The following ASMT variants were observed in gnomAD, a reference collection of about 807,000 sequenced individuals.
ASMT encodes the protein acetylserotonin O-methyltransferase.
A neutral mutation model predicts 41.3 loss-of-function variants in ASMT; 53 were observed. The ratio of observed to expected loss-of-function variants is 1.28; its 90% CI spans 1.03 to 1.61. The LOEUF (loss-of-function observed/expected upper bound fraction) is 1.61. Among genes scored for constraint, ASMT ranks in the 40% most tolerant of loss-of-function variants. The pLI is 0.00. For synonymous variants in ASMT, 231 were observed against 184.8 expected, an observed-to-expected ratio of 1.25 and a Z score of -2.03; for missense variants, 531 against 441.3, an observed-to-expected ratio of 1.20 and a Z score of -1.82.
intron 6 of ASMT, 72 bp downstream of exon 6, chrX:1,632,859 G>A: frequency 1.9e-6 from 1 of 520,536 alleles, no homozygotes; most frequent in Non-Finnish European, 3.5e-6. Context: ...GTCAGGGCCT[G>A]GGGGGCTGGG....
At chrX:1,616,758 G>C (rs1229255238) in intron 1 of ASMT, among the ~76,000 whole-genome samples, 1 of 149,572 alleles carries the variant, frequency 6.7e-6, no homozygotes, top group East Asian at 2.0e-4. Flanking sequence ...GCCCAGGCTG[G>C]AGTGCAATGG....
At chrX:1,628,499 G>T (rs1934642815) in intron 4 of ASMT, among the ~76,000 whole-genome samples, 1 of 152,078 alleles carries the variant, frequency 6.6e-6, no homozygotes, top group South Asian at 2.1e-4. Flanking sequence ...CCCGTCCAGT[G>T]TTCCAGCTGG....
In ASMT at chrX:1,625,109, T is replaced by TTTC. The variant is rs1491501608; in HGVS notation, c.374+713_374+714insCTT. 1.9e-3 allele frequency among the ~76,000 whole-genome samples: 80 copies of TTTC among 41,596 alleles called. 1 individual carries two copies. Among genetic ancestry groups the TTTC allele is most frequent in the African/African-American group, 8.1e-3 (79 of 9,714 alleles). 27.3% of individuals were successfully genotyped at this position (41,596 alleles called of 152,430 possible). A position where few individuals can be genotyped will look rare whatever the true frequency, so the allele number is the denominator to read the frequency against. Reference sequence around the variant, plus strand: ...TTTGTTTTTTCTTTTCTTTTCTTTCTTTTTTTTTTTTTTGAGATGGAGTCT... The same window carrying TTTC: ...TTTGTTTTTTCTTTTCTTTTCTTTCTTTCTTTTTTTTTTTTTGAGATGGAGTCT... On this transcript the variant is annotated intron_variant, in intron 3 of 8. Transcript: ENST00000381241.
chrX:1,618,945 C>T (rs1934235894), intron 1 of ASMT, among the ~76,000 whole-genome samples: 1 of 152,142 alleles, frequency 6.6e-6, no homozygotes, highest in Non-Finnish European at 1.5e-5. Flanking sequence ...CACATGATAC[C>T]ATGTCATGGG....
intron 1 of ASMT, 98 bp from the exon 2 acceptor site, chrX:1,623,041 A>G (rs1422727353): frequency 2.5e-5 from 31 of 1,224,014 alleles, no homozygotes; most frequent in Non-Finnish European, 3.6e-5. Flanking sequence ...AAATAAAACA[A>G]TGCTTTCCTC....
intron 7 of ASMT, chrX:1,636,139 A>G: frequency 5.1e-6 from 2 of 392,594 alleles, no homozygotes; most frequent in Non-Finnish European, 9.8e-6. Flanking sequence ...TTGTATTTTT[A>G]GTAGAGACAG....
intron 1 of ASMT, among the ~76,000 whole-genome samples, chrX:1,620,574 A>G (rs1934302511): frequency 6.6e-6 from 1 of 152,162 alleles, no homozygotes; most frequent in Non-Finnish European, 1.5e-5. Context: ...ACAGGAATTG[A>G]TAACAGTTTA....
At chrX:1,633,533 T>A (rs1484786224) in intron 7 of ASMT, among the ~76,000 whole-genome samples, 1 of 152,112 alleles carries the variant, frequency 6.6e-6, no homozygotes, top group African/African-American at 2.4e-5. Context: ...TGGAGTGCAG[T>A]GGTGCAGTCT....
At chrX:1,626,328 G>C (rs1934548845) in intron 3 of ASMT, among the ~76,000 whole-genome samples, 1 of 150,932 alleles carries the variant, frequency 6.6e-6, no homozygotes. Context: ...TCCGCCTCCT[G>C]GGTTTAAGTG....
chrX:1,620,051 C>T (rs1934282373), intron 1 of ASMT, among the ~76,000 whole-genome samples: 1 of 150,530 alleles, frequency 6.6e-6, no homozygotes, highest in Non-Finnish European at 1.5e-5. Flanking sequence ...CGAGATCGCA[C>T]CACTGCACTC....
Position 1,636,351 on chromosome X carries a change from T to C in ASMT, c.788-87T>C, listed in dbSNP as rs762617586. On this transcript the variant is annotated intron_variant, in intron 7 of 8. Coordinates refer to ENST00000381241, the MANE Select transcript of ASMT (RefSeq NM_001171038.2). ...GAAGACCTGGGAAAGGCGTGACCCA[T>C]CCAGGTGACCTTTTGTGCCCAGAAT... The C allele has an allele frequency of 7.3e-5, 117 of 1,598,114 alleles. No individual in the cohort carries two copies. The East Asian group carries it at 2.4e-3, about 33-fold the overall frequency.
intron 8 of ASMT, among the ~76,000 whole-genome samples, chrX:1,640,534 G>C (rs1202538121): frequency 1.7e-5 from 1 of 58,942 alleles, no homozygotes; most frequent in Non-Finnish European, 2.8e-5. Context: ...CAGCCTCTGT[G>C]TATGATGGGG....
chrX:1,615,291 A>G (rs750323831), intron 1 of ASMT, 23 bp downstream of exon 1: 1 of 1,572,212 alleles, frequency 6.4e-7, no homozygotes, highest in South Asian at 1.2e-5. Flanking sequence ...CTGTGGGACA[A>G]GGGGGAATAG....
At chrX:1,642,290 A>T (rs1441354529) in intron 8 of ASMT, among the ~76,000 whole-genome samples, 1 of 145,792 alleles carries the variant, frequency 6.9e-6, no homozygotes, top group Non-Finnish European at 1.5e-5. Context: ...ACAGTGTCCC[A>T]GTGTCCTGTG....
At position 1,629,872 on chromosome X, in the gene ASMT, C is replaced by T. The variant is rs779251991; in HGVS notation, c.495C>T (p.Ser165=). ...TGCAAGCTCTGCAGGAGGTCTGGAG[C>T]GTCAACGGGAGAAGCGTGCTGACCG... The part of the protein sequence containing the change: ...QFMQALQEVW[S]VNGRSVLTAF... The change falls in exon 5 of 9, where the codon AGC becomes AGT. Residue 165 remains serine (S), a synonymous_variant. Coordinates refer to ENST00000381241, the MANE Select transcript of ASMT (RefSeq NM_001171038.2). 9 of 1,613,858 alleles carry T rather than the reference C, an allele frequency of 5.6e-6. No individual in the cohort carries two copies. The highest frequency in any genetic ancestry group is 1.1e-5 in the South Asian group (1 of 91,086).
chrX:1,615,244 C>A lies in ASMT; in HGVS notation c.45C>A (p.Tyr15Ter), dbSNP rs146829905. Residue 15 changes from tyrosine (Y) to a stop codon, truncating the protein, a stop_gained, in exon 1 of 9, where the codon TAC becomes TAA. Coordinates refer to ENST00000381241, the MANE Select transcript of ASMT (RefSeq NM_001171038.2). LOFTEE classifies it high-confidence loss of function. ...EDQAYRLLND[Y>*]ANGFMVSQVL... The stretch of plus-strand genomic sequence containing the variant: ...AGGCCTATCGCCTCCTTAATGACTA[C>A]GCCAACGGCTTCATGGTGTCCCAGG... The A allele has an allele frequency of 7.5e-6, 12 of 1,597,444 alleles. No homozygotes were observed. Among genetic ancestry groups the A allele is most frequent in the Non-Finnish European group, 1.0e-5 (12 of 1,172,024 alleles).
chrX:1,629,370 G>C (rs1282047533), intron 4 of ASMT, among the ~76,000 whole-genome samples: 1 of 152,124 alleles, frequency 6.6e-6, no homozygotes, highest in African/African-American at 2.4e-5. Flanking sequence ...AGCCCTGTCC[G>C]CCTCTGTGTC....
intron 2 of ASMT, 75 bp from the exon 3 acceptor site, chrX:1,624,194 T>C (rs62593301): frequency 0.12 from 193,788 of 1,577,694 alleles, 13,027 homozygotes; most frequent in Admixed American, 0.28. Flanking sequence ...CACGATGTTG[T>C]CGAGCTGGGG....
intron 8 of ASMT, among the ~76,000 whole-genome samples, chrX:1,636,897 G>A (rs780232572): frequency 6.9e-6 from 1 of 144,080 alleles, no homozygotes; most frequent in African/African-American, 2.5e-5. Flanking sequence ...GGTTCATGAG[G>A]ATGTGGGCAC....
Sources: gnomAD v4.1 joint callset for allele counts (sites outside exome capture counted in the v4.1 genomes callset) on GRCh38, gnomAD v4.1.1 for gene constraint, MANE v1.5 for transcripts, NCBI Gene and HGNC (gene_info 2026-07-23, HGNC 2026-07-21) for gene names.